PDE1C: variants seen among roughly 807,000 people sequenced by gnomAD.
PDE1C encodes phosphodiesterase 1C, also known as dual specificity calcium/calmodulin-dependent 3',5'-cyclic nucleotide phosphodiesterase 1C.
Under a neutral mutation model 93.1 loss-of-function variants are expected in PDE1C, and 62 were observed. The ratio of observed to expected loss-of-function variants is 0.67; its 90% confidence interval spans 0.54 to 0.82. PDE1C has a LOEUF of 0.82. Ranked by LOEUF, PDE1C falls within the 40% of genes least tolerant of loss-of-function variation. The pLI, the probability that PDE1C is intolerant of heterozygous loss-of-function variation, is 0.00. For missense variants in PDE1C, 742 were observed against 884.6 expected, an observed-to-expected ratio of 0.84 and a Z score of 2.04; for synonymous variants, 325 against 310.1, an observed-to-expected ratio of 1.05 and a Z score of -0.50.
At chr7:31,830,058 C>T (rs1790183942) in intron 11 of PDE1C, among the ~76,000 whole-genome samples, 1 of 152,104 alleles carries the variant, frequency 6.6e-6, no homozygotes, top group Non-Finnish European at 1.5e-5. Flanking sequence ...ACTCCTAATT[C>T]CACGAACTTG....
intron 1 of PDE1C, among the ~76,000 whole-genome samples, chr7:32,409,708 T>C (rs1785126437): frequency 6.6e-6 from 1 of 152,054 alleles, no homozygotes; most frequent in African/African-American, 2.4e-5. Flanking sequence ...CAACTCCTAT[T>C]GTTAATTTTT....
At chr7:32,204,556 G>A (rs1420624485) in intron 2 of PDE1C, among the ~76,000 whole-genome samples, 1 of 152,198 alleles carries the variant, frequency 6.6e-6, no homozygotes, top group Admixed American at 6.5e-5. Flanking sequence ...ACGTCCTCTA[G>A]AGGAGAGGGA....
At chr7:31,911,381 T>C (rs1801229893) in intron 2 of PDE1C, among the ~76,000 whole-genome samples, 1 of 152,138 alleles carries the variant, frequency 6.6e-6, no homozygotes, top group African/African-American at 2.4e-5. Flanking sequence ...GATGTGTAAC[T>C]TCCAGGAAAA....
At chr7:31,648,217 TTGGTGATGG>T in the PDE1C span, among the ~76,000 whole-genome samples, 1 of 152,162 alleles carries the variant, frequency 6.6e-6, no homozygotes. Flanking sequence ...TCATTGTCTT[TTGGTGATGG>T]TGCTCTTACC....
the PDE1C span, among the ~76,000 whole-genome samples, chr7:31,621,639 A>C: frequency 6.7e-6 from 1 of 149,036 alleles, no homozygotes; most frequent in Non-Finnish European, 1.5e-5. Context: ...CTGGTACCAG[A>C]CACTGCAAAA....
At chr7:32,373,627 T>C (rs1277854541) in intron 1 of PDE1C, among the ~76,000 whole-genome samples, 2 of 152,240 alleles carry the variant, frequency 1.3e-5, no homozygotes, top group Non-Finnish European at 2.9e-5. Context: ...TATGATATGG[T>C]ATGTGAATTA....
At chr7:32,032,821 A>T (rs1790514773) in intron 2 of PDE1C, among the ~76,000 whole-genome samples, 1 of 152,198 alleles carries the variant, frequency 6.6e-6, no homozygotes, top group African/African-American at 2.4e-5. Flanking sequence ...GCTCTGCGGG[A>T]TCAGAATCCA....
the PDE1C span, among the ~76,000 whole-genome samples, chr7:31,711,916 G>A: frequency 6.6e-6 from 1 of 152,056 alleles, no homozygotes; most frequent in East Asian, 1.9e-4. Context: ...ACTGGCCTCT[G>A]CCATGGCTGG....
At chr7:31,829,489 T>C (rs985813190) in intron 11 of PDE1C, among the ~76,000 whole-genome samples, 1 of 152,258 alleles carries the variant, frequency 6.6e-6, no homozygotes, top group South Asian at 2.1e-4. Context: ...AGTAACAACC[T>C]GCAACCAGGC....
chr7:31,873,217 C>G, intron 6 of PDE1C, 75 bp downstream of exon 6: 1 of 897,606 alleles, frequency 1.1e-6, no homozygotes, highest in Non-Finnish European at 1.8e-6. Flanking sequence ...TTAAAATAGT[C>G]TGAACCCAAA....
chr7:31,776,111 C>A (rs1025275779), intron 16 of PDE1C, among the ~76,000 whole-genome samples: 1 of 152,150 alleles, frequency 6.6e-6, no homozygotes, highest in Admixed American at 6.5e-5. Context: ...TAATGTGCAT[C>A]CAGGATGGAA....
chr7:32,324,172 C>T (rs1783355698), intron 1 of PDE1C, among the ~76,000 whole-genome samples: 1 of 152,222 alleles, frequency 6.6e-6, no homozygotes, highest in Non-Finnish European at 1.5e-5. Context: ...GCCATGTTCA[C>T]TTATTAACTT....
intron 1 of PDE1C, among the ~76,000 whole-genome samples, chr7:32,306,474 T>C (rs1813005817): frequency 6.6e-6 from 1 of 152,126 alleles, no homozygotes; most frequent in Admixed American, 6.5e-5. Context: ...ATCTGTCTGG[T>C]CCTATCCACA....
At chr7:31,904,725 A>G (rs1800382173) in intron 2 of PDE1C, among the ~76,000 whole-genome samples, 1 of 152,144 alleles carries the variant, frequency 6.6e-6, no homozygotes, top group Non-Finnish European at 1.5e-5. Flanking sequence ...TAATATTTTA[A>G]TTGTAAATTA....
the PDE1C span, chr7:31,707,598 C>T: frequency 4.6e-5 from 13 of 284,296 alleles, no homozygotes; most frequent in East Asian, 7.8e-4. Flanking sequence ...GATCAATTCA[C>T]GGAACAGAGA....
chr7:31,685,812 A>C, the PDE1C span, among the ~76,000 whole-genome samples: 1 of 152,146 alleles, frequency 6.6e-6, no homozygotes, highest in African/African-American at 2.4e-5. Context: ...TTCCCTTCCT[A>C]GACAAGAGCA....
At chr7:32,067,342 C>G (rs1795520464) in intron 1 of PDE1C, among the ~76,000 whole-genome samples, 1 of 152,088 alleles carries the variant, frequency 6.6e-6, no homozygotes, top group African/African-American at 2.4e-5. Flanking sequence ...AACCAAAAAC[C>G]CTGTCTTCAT....
chr7:32,074,063 T>C (rs1166858467), upstream of PDE1C, among the ~76,000 whole-genome samples: 1 of 152,162 alleles, frequency 6.6e-6, no homozygotes, highest in Non-Finnish European at 1.5e-5. Flanking sequence ...TACATACATA[T>C]AACCAACAAT....
At chr7:31,699,654 C>T in the PDE1C span, among the ~76,000 whole-genome samples, 1 of 150,786 alleles carries the variant, frequency 6.6e-6, no homozygotes, top group African/African-American at 2.4e-5. Context: ...TTTTTTTTAA[C>T]CAAATTGGAT....
Sources: gnomAD v4.1 joint callset for allele counts (sites outside exome capture counted in the v4.1 genomes callset) on GRCh38, gnomAD v4.1.1 for gene constraint, MANE v1.5 for transcripts, NCBI Gene and HGNC (gene_info 2026-07-23, HGNC 2026-07-21) for gene names.